The following PDE10A variants were observed in gnomAD, a reference collection of about 807,000 sequenced individuals.
PDE10A encodes phosphodiesterase 10A.
In PDE10A, 39 loss-of-function variants were observed where a neutral mutation model predicts 97.7. The observed-to-expected ratio is 0.40, with a 90% confidence interval of 0.31 to 0.52. PDE10A has a LOEUF of 0.52. PDE10A is among the 20% of genes least tolerant of loss of function. The probability of loss-of-function intolerance (pLI) is 0.56; values close to 1 mark genes in which losing one functional copy is unlikely to be tolerated. For missense variants in PDE10A, 731 were observed against 1,047.8 expected (o/e 0.70, Z 4.17); for synonymous variants, 371 against 376.8 (o/e 0.98, Z 0.18).
rs1781407713 is a variant in PDE10A at position 165,332,705 on chromosome 6, AT to A, written c.*319del. Reference sequence around the variant, plus strand: ...AATGGAAAAGTACCCCTTCTGGATAATTTTTGTCCATTTCCTTTAAGGCCTC... The same window carrying A: ...AATGGAAAAGTACCCCTTCTGGATAATTTTGTCCATTTCCTTTAAGGCCTC... On this transcript the variant is annotated 3_prime_UTR_variant, in exon 22 of 22. Transcript: ENST00000539869. 3.4e-6 allele frequency: 1 copy of A among 297,192 alleles called. No individual in the cohort carries two copies. The highest frequency in any genetic ancestry group is 2.2e-5 in the African/African-American group (1 of 45,910). The allele number at this position is 297,192 out of a possible 1,614,324, so 18.4% of individuals were successfully genotyped here.
intron 15 of PDE10A, 146 bp downstream of exon 15, chr6:165,395,035 T>C (rs543285004): frequency 1.9e-5 from 10 of 528,972 alleles, no homozygotes; most frequent in South Asian, 8.5e-5. Flanking sequence ...CCCTTTTTTA[T>C]TGGAATATTT....
At chr6:165,568,858 T>C (rs756822562) in intron 1 of PDE10A, among the ~76,000 whole-genome samples, 60 of 152,324 alleles carry the variant, frequency 3.9e-4, no homozygotes, top group African/African-American at 1.4e-3. Context: ...AGTTTTGCTG[T>C]TGAAAATGTT....
chr6:165,750,939 C>T (rs944022823), intron 1 of PDE10A, among the ~76,000 whole-genome samples: 10 of 152,184 alleles, frequency 6.6e-5, no homozygotes, highest in African/African-American at 2.4e-4. Flanking sequence ...GAGCGGGATG[C>T]TGAGATGACC....
intron 1 of PDE10A, among the ~76,000 whole-genome samples, chr6:165,904,144 G>A (rs755586739): frequency 6.6e-6 from 1 of 152,190 alleles, no homozygotes; most frequent in African/African-American, 2.4e-5. Flanking sequence ...AATTTTTAAT[G>A]CTGAAGGGAA....
intron 18 of PDE10A, among the ~76,000 whole-genome samples, chr6:165,368,490 G>T (rs554248350): frequency 2.0e-4 from 30 of 152,090 alleles, no homozygotes; most frequent in Admixed American, 1.5e-3. Flanking sequence ...ATTCAAAGCG[G>T]ACTAATAAAA....
intron 1 of PDE10A, among the ~76,000 whole-genome samples, chr6:165,765,450 C>A (rs1002876202): frequency 6.6e-6 from 1 of 152,270 alleles, no homozygotes; most frequent in Admixed American, 6.5e-5. Context: ...AGCTAAGGCC[C>A]GGCGAGAAAT....
intron 1 of PDE10A, among the ~76,000 whole-genome samples, chr6:165,938,524 C>A (rs1005563387): frequency 2.0e-5 from 3 of 152,144 alleles, no homozygotes; most frequent in African/African-American, 7.2e-5. Context: ...CGCCAAGGGA[C>A]CCTGTGCTCA....
At chr6:165,436,381 G>T (rs1540924) in intron 5 of PDE10A, among the ~76,000 whole-genome samples, 1 of 152,066 alleles carries the variant, frequency 6.6e-6, no homozygotes, top group Non-Finnish European at 1.5e-5. Context: ...TAAAATTACA[G>T]AACTCTTTCT....
intron 1 of PDE10A, among the ~76,000 whole-genome samples, chr6:165,549,429 A>T (rs1189434015): frequency 6.6e-6 from 1 of 152,032 alleles, no homozygotes; most frequent in African/African-American, 2.4e-5. Flanking sequence ...GGTTTAAGGG[A>T]GTCTCCTGCC....
intron 1 of PDE10A, chr6:165,576,425 G>A (rs1379280950): frequency 1.3e-6 from 1 of 780,220 alleles, no homozygotes; most frequent in East Asian, 2.4e-5. Context: ...TTAAATGTTG[G>A]GATTTCCTCT....
At chr6:165,985,120 A>G (rs567703079) in intron 1 of PDE10A, among the ~76,000 whole-genome samples, 17 of 152,342 alleles carry the variant, frequency 1.1e-4, no homozygotes, top group African/African-American at 4.1e-4. Flanking sequence ...AATCGGTCAC[A>G]CAAATAAGCC....
At position 165,983,118 on chromosome 6, in the gene PDE10A, G is replaced by A. The variant is rs201366236; in HGVS notation, c.-615+4411C>T. On this transcript the variant is annotated intron_variant, in intron 1 of 19. Transcript: ENST00000366882. ...GTACATGTGTCAAATAACTTCAATGGACATCCAAGGAAACATTCAGTCTAA... is the reference window on the plus strand; with the variant it reads ...GTACATGTGTCAAATAACTTCAATGAACATCCAAGGAAACATTCAGTCTAA... 2.5e-4 allele frequency among the ~76,000 whole-genome samples: 38 copies of A among 151,804 alleles called. 1 individual carries two copies. In the East Asian group the frequency reaches 7.0e-3, roughly 28 times the overall value.
intron 2 of PDE10A, among the ~76,000 whole-genome samples, chr6:165,535,611 G>A (rs1255019916): frequency 6.6e-6 from 1 of 151,432 alleles, no homozygotes; most frequent in East Asian, 1.9e-4. Flanking sequence ...GCGTGTGTGT[G>A]TGTGTGTGTA....
intron 2 of PDE10A, among the ~76,000 whole-genome samples, chr6:165,524,041 A>T (rs1407437868): frequency 6.6e-6 from 1 of 152,132 alleles, no homozygotes; most frequent in Non-Finnish European, 1.5e-5. Flanking sequence ...TTTCCAGCCT[A>T]CATCTTTCTC....
intron 2 of PDE10A, among the ~76,000 whole-genome samples, chr6:165,542,866 C>T (rs1388234955): frequency 1.3e-5 from 2 of 152,066 alleles, no homozygotes; most frequent in African/African-American, 2.4e-5. Flanking sequence ...GATCCGCCCG[C>T]CTCAGCCTCC....
intron 5 of PDE10A, 46 bp from the exon 6 acceptor site, chr6:165,435,423 A>G (rs1233621657): frequency 6.5e-7 from 1 of 1,549,444 alleles, no homozygotes; most frequent in African/African-American, 1.4e-5. Context: ...GTACATGTGC[A>G]TAGTACAAAA....
At chr6:165,906,014 TCCCTCCCTC>T (rs1562791963) in intron 1 of PDE10A, among the ~76,000 whole-genome samples, 9 of 29,828 alleles carry the variant, frequency 3.0e-4, no homozygotes, top group East Asian at 4.9e-3. Context: ...CTTCCTTCCT[TCCCTCCCTC>T]CCTTCCTTCC....
intron 1 of PDE10A, among the ~76,000 whole-genome samples, chr6:165,585,021 A>T (rs2128359103): frequency 6.6e-6 from 1 of 152,340 alleles, no homozygotes; most frequent in South Asian, 2.1e-4. Context: ...TTTTTAAGCA[A>T]GAATCTTTGC....
chr6:165,763,086 A>ATTT (rs904063216), intron 1 of PDE10A, among the ~76,000 whole-genome samples: 6 of 152,224 alleles, frequency 3.9e-5, no homozygotes, highest in Admixed American at 6.5e-5. Flanking sequence ...AGTAGGACTT[A>ATTT]TAAGACTGCA....
Sources: allele counts gnomAD v4.1 joint callset (sites outside exome capture counted in the v4.1 genomes callset), GRCh38; gene constraint gnomAD v4.1.1; transcripts MANE v1.5; gene names NCBI Gene and HGNC (gene_info 2026-07-23, HGNC 2026-07-21).